IGDCC3: variants seen among roughly 807,000 people sequenced by gnomAD.
IGDCC3 encodes putative neuronal cell adhesion molecule.
Under a neutral mutation model 72.0 loss-of-function variants are expected in IGDCC3, and 47 were observed. That is an observed-to-expected ratio of 0.65 (90% confidence interval 0.52 to 0.83). The LOEUF (loss-of-function observed/expected upper bound fraction) is 0.83. IGDCC3 is among the 40% of genes least tolerant of loss of function. The pLI, the probability that IGDCC3 is intolerant of heterozygous loss-of-function variation, is 0.00. For missense variants in IGDCC3, 1,038 were observed against 1,091.3 expected, an observed-to-expected ratio of 0.95 and a Z score of 0.69; for synonymous variants, 477 against 472.8, an observed-to-expected ratio of 1.01 and a Z score of -0.11.
At position 65,375,302 on chromosome 15, in the gene IGDCC3, G is replaced by GGTCC; in HGVS notation, c.200_203dup (p.Pro69AspfsTer45). ...TCCTCCAGGTGATTCGCACTGGAGG[G>GGTCC]GTCCCCTCCACCCTGCAGTCCAGCA... is the stretch of plus-strand genomic sequence containing the variant. On this transcript the variant is annotated frameshift_variant, in exon 2 of 14. Transcript: ENST00000327987. LOFTEE classifies it high-confidence loss of function. 1 of 1,614,126 alleles carries GGTCC rather than the reference G, an allele frequency of 6.2e-7. No individual in the cohort carries two copies. Among genetic ancestry groups the GGTCC allele is most frequent in the Non-Finnish European group, 8.5e-7 (1 of 1,180,026 alleles).
Position 65,330,770 on chromosome 15 carries a change from G to A in IGDCC3, c.1562-29C>T, listed in dbSNP as rs765670895. On this transcript the variant is annotated intron_variant, in intron 9 of 13. Transcript: ENST00000327987. ...CAGGTAGAGAAGGAGGCCACGATGT[G>A]AGGACCCAGTGGAAGCTCTATCTTT... The A allele has an allele frequency of 6.5e-6, 10 of 1,539,370 alleles. No homozygotes were observed. The South Asian group carries it at 9.3e-5, about 14-fold the overall frequency.
In IGDCC3 at chr15:65,377,573, G is replaced by A; in HGVS notation, c.103+113C>T. ...GCAGGGTCCCCCCCGCGCGGGGTCC[G>A]CCCTCAGGTCCGCGCCGCTCTCCCC... On this transcript the variant is annotated intron_variant, in intron 1 of 13. Transcript: ENST00000327987. The surrounding 1 kb of genome is among the most constrained non-coding windows in gnomAD (Gnocchi z 4.9). 9.2e-7 allele frequency: 1 copy of A among 1,089,988 alleles called. No homozygotes were observed. The highest frequency in any genetic ancestry group is 4.2e-5 in the Admixed American group (1 of 23,792). 67.5% of individuals were successfully genotyped at this position (1,089,988 alleles called of 1,614,324 possible).
intron 2 of IGDCC3, among the ~76,000 whole-genome samples, chr15:65,336,795 C>T (rs1192488378): frequency 2.0e-5 from 3 of 151,900 alleles, no homozygotes; most frequent in Admixed American, 6.6e-5. Flanking sequence ...GTGTTTCTGC[C>T]CACCCCCGTT....
intron 2 of IGDCC3, among the ~76,000 whole-genome samples, chr15:65,341,478 C>G (rs2091080884): frequency 6.6e-6 from 1 of 152,166 alleles, no homozygotes; most frequent in Non-Finnish European, 1.5e-5. Context: ...AAACTTGTGT[C>G]TATTGACAGA....
chr15:65,357,054 G>C (rs1437481397), intron 2 of IGDCC3, among the ~76,000 whole-genome samples: 2 of 151,788 alleles, frequency 1.3e-5, no homozygotes, highest in Non-Finnish European at 2.9e-5. Flanking sequence ...GTTTCACCAT[G>C]TTGGCCAGGC....
chr15:65,376,683 T>C (rs1595768592), intron 1 of IGDCC3, among the ~76,000 whole-genome samples: 1 of 128,412 alleles, frequency 7.8e-6, no homozygotes, highest in South Asian at 2.4e-4. Flanking sequence ...TTCAAACCCC[T>C]GCGCATCCTC....
chr15:65,331,345 G>A (rs1021185599), intron 8 of IGDCC3, 67 bp downstream of exon 8: 4 of 1,568,066 alleles, frequency 2.6e-6, no homozygotes, highest in Non-Finnish European at 3.5e-6. Flanking sequence ...GGGTCACGAC[G>A]TGCAGGATTG....
chr15:65,345,399 C>A (rs1199929460), intron 2 of IGDCC3, among the ~76,000 whole-genome samples: 1 of 152,046 alleles, frequency 6.6e-6, no homozygotes, highest in Non-Finnish European at 1.5e-5. Context: ...ACAAAAAATA[C>A]ACAAATTAGC....
Position 65,335,939 on chromosome 15 carries a change from C to A in IGDCC3, c.427G>T (p.Val143Leu). 1 of 1,614,150 alleles carries A rather than the reference C, an allele frequency of 6.2e-7. No homozygotes were observed. Among genetic ancestry groups the A allele is most frequent in the South Asian group, 1.1e-5 (1 of 91,078 alleles). ...TCACCCACGGTGGCCTGGGGATGCA[C>A]GTGGAAGTCCGACATGGCTGGGGGA... ...IQAATMSDFH[V>L]HPQATVGEEG... Residue 143 changes from valine to leucine, a missense_variant, in exon 3 of 14, where the codon GTG becomes TTG. By Grantham distance (32) the Val-to-Leu change is conservative. Transcript: ENST00000327987.
At chr15:65,335,203 G>A in intron 4 of IGDCC3, 88 bp downstream of exon 4, 1 of 1,425,460 alleles carries the variant, frequency 7.0e-7, no homozygotes, top group East Asian at 2.3e-5. Flanking sequence ...GAAGGCTGCA[G>A]AGGCCAGCTG....
intron 2 of IGDCC3, among the ~76,000 whole-genome samples, chr15:65,368,644 C>T (rs144188373): frequency 8.4e-4 from 128 of 152,268 alleles, no homozygotes; most frequent in African/African-American, 2.9e-3. Flanking sequence ...GCAGGAGACC[C>T]AAGACCCCTG....
At chr15:65,340,066 G>C (rs1037476730) in intron 2 of IGDCC3, among the ~76,000 whole-genome samples, 1 of 152,204 alleles carries the variant, frequency 6.6e-6, no homozygotes, top group Non-Finnish European at 1.5e-5. Context: ...CAGGCTGAGG[G>C]GAGAGACAGA....
chr15:65,355,249 C>A (rs527878474), intron 2 of IGDCC3, among the ~76,000 whole-genome samples: 1 of 152,310 alleles, frequency 6.6e-6, no homozygotes, highest in South Asian at 2.1e-4. Flanking sequence ...CCCCGAGAGC[C>A]GCAGTGGCTA....
chr15:65,370,210 A>G (rs897417181), intron 2 of IGDCC3, among the ~76,000 whole-genome samples: 1 of 151,970 alleles, frequency 6.6e-6, no homozygotes, highest in Non-Finnish European at 1.5e-5. Flanking sequence ...CCTCAAAATG[A>G]TAATAGTTAA....
chr15:65,348,359 G>C (rs1168270649), intron 2 of IGDCC3, among the ~76,000 whole-genome samples: 1 of 152,124 alleles, frequency 6.6e-6, no homozygotes, highest in Non-Finnish European at 1.5e-5. Context: ...TCTGAATTGG[G>C]ACCTCTGTCC....
chr15:65,355,785 A>T (rs1477914382), intron 2 of IGDCC3: 1 of 453,808 alleles, frequency 2.2e-6, no homozygotes, highest in Non-Finnish European at 4.4e-6. Context: ...AGAAAATAAG[A>T]CAGCCATTGT....
At chr15:65,340,965 G>A (rs1194513867) in intron 2 of IGDCC3, among the ~76,000 whole-genome samples, 1 of 152,230 alleles carries the variant, frequency 6.6e-6, no homozygotes, top group Admixed American at 6.5e-5. Flanking sequence ...CTGACCTCAA[G>A]TGATCCACCT....
chr15:65,353,267 T>C (rs2140157466), intron 2 of IGDCC3, among the ~76,000 whole-genome samples: 1 of 151,444 alleles, frequency 6.6e-6, no homozygotes, highest in East Asian at 1.9e-4. Flanking sequence ...CCGTTGTTTT[T>C]TTTATAAAGA....
intron 2 of IGDCC3, among the ~76,000 whole-genome samples, chr15:65,354,801 G>A (rs1039751024): frequency 3.3e-5 from 5 of 152,016 alleles, no homozygotes; most frequent in Non-Finnish European, 7.4e-5. Flanking sequence ...CTCTACTTGA[G>A]TCTCAGCTTC....
Sources: allele counts gnomAD v4.1 joint callset (sites outside exome capture counted in the v4.1 genomes callset), GRCh38; gene constraint gnomAD v4.1.1; non-coding constraint Gnocchi (gnomAD v3.1); transcripts MANE v1.5; gene names NCBI Gene and HGNC (gene_info 2026-07-23, HGNC 2026-07-21).